NAP1L4: variants seen among roughly 807,000 people sequenced by gnomAD.
NAP1L4 encodes the protein nucleosome assembly protein 1-like 4.
NAP1L4 carries 15 observed loss-of-function variants against 58.2 expected under a neutral mutation model. The ratio of observed to expected loss-of-function variants is 0.26; its 90% CI spans 0.17 to 0.40. NAP1L4 has a LOEUF of 0.40. Ranked by LOEUF, NAP1L4 falls within the 10% of genes least tolerant of loss-of-function variation. The pLI is 1.00. For synonymous variants in NAP1L4, 171 were observed against 155.6 expected (o/e 1.10, Z -0.74); for missense variants, 384 against 451.1 (o/e 0.85, Z 1.35).
chr11:2,969,978 A>C (rs781399894), intron 6 of NAP1L4, 44 bp from the exon 7 acceptor site: 48 of 1,585,372 alleles, frequency 3.0e-5, no homozygotes, highest in Non-Finnish European at 4.1e-5. Flanking sequence ...AAAAGTTTAC[A>C]AACAATGCAG....
chr11:2,945,462 GA>G lies in NAP1L4; in HGVS notation c.*216del. 1.4e-6 allele frequency: 1 copy of G among 698,616 alleles called. No homozygotes were observed. Among genetic ancestry groups the G allele is most frequent in the Non-Finnish European group, 2.3e-6 (1 of 431,816 alleles). 43.3% of individuals were successfully genotyped at this position (698,616 alleles called of 1,614,324 possible). A position where few individuals can be genotyped will look rare whatever the true frequency, so the allele number is the denominator to read the frequency against. ...GTTAAGCAAAATAATAAGGAAAAAG[GA>G]AAAGTGAAAGTGAAAATCATGCACT... On this transcript the variant is annotated 3_prime_UTR_variant, in exon 16 of 16. Transcript: ENST00000380542.
At position 2,978,334 on chromosome 11, in the gene NAP1L4, T is replaced by A. The variant is rs764883254; in HGVS notation, c.23A>T (p.Asp8Val). The change falls in exon 3 of 16, where the codon GAT becomes GTT. Residue 8 changes from aspartate to valine, a missense_variant. Asp to Val is a radical substitution (Grantham distance 152). Transcript: ENST00000380542. ...TTCCACGGAATCTGAAGGAACCCCA[T>A]CTGAAAAACTAAAACAACAGTATGT... is the stretch of plus-strand genomic sequence containing the variant. MADHSFS[D>V]GVPSDSVEAA... 140 of 1,613,750 alleles carry A rather than the reference T, an allele frequency of 8.7e-5. No homozygotes were observed. Among genetic ancestry groups the A allele is most frequent in the Non-Finnish European group, 1.1e-4 (128 of 1,179,872 alleles).
intron 8 of NAP1L4, chr11:2,963,704 A>C (rs947328833): frequency 5.8e-6 from 3 of 514,484 alleles, no homozygotes; most frequent in South Asian, 1.4e-5. Context: ...GATACTGGTG[A>C]CTGGCCCCAG....
chr11:2,987,207 C>A (rs920957686), intron 1 of NAP1L4, among the ~76,000 whole-genome samples: 4 of 152,074 alleles, frequency 2.6e-5, no homozygotes, highest in Non-Finnish European at 4.4e-5. Flanking sequence ...ATTGCCCAGG[C>A]CAGTAGACTC....
chr11:2,959,997 C>A lies in NAP1L4; in HGVS notation c.607-88G>T. On this transcript the variant is annotated intron_variant, in intron 8 of 15. Coordinates refer to ENST00000380542, the MANE Select transcript of NAP1L4 (RefSeq NM_005969.4). This position sits in a 1 kb window ranked among gnomAD's most constrained non-coding sequence, Gnocchi z 4.9. ...TGGAGTACACAACACTTACTAGAAG[C>A]TATTTTGGGAAAGCTCAACAGATAG... The A allele has an allele frequency of 3.7e-6, 5 of 1,366,312 alleles. No individual in the cohort carries two copies. The highest frequency in any genetic ancestry group is 4.0e-6 in the Non-Finnish European group (4 of 997,740). 84.6% of individuals were successfully genotyped at this position (1,366,312 alleles called of 1,614,324 possible).
In NAP1L4 at chr11:2,978,371, T is replaced by C. The variant is rs199634086; in HGVS notation, c.15-29A>G. ...AAACAACAGTATGTTTAAAAAGTAT[T>C]ACTGTAAAGAAAGTTCCAAAGACAT... On this transcript the variant is annotated intron_variant, in intron 2 of 15. Coordinates refer to ENST00000380542, the MANE Select transcript of NAP1L4 (RefSeq NM_005969.4). The C allele has an allele frequency of 7.7e-4, 1,228 of 1,604,168 alleles. 1 individual carries two copies. Among genetic ancestry groups the C allele is most frequent in the Non-Finnish European group, 9.6e-4 (1,130 of 1,171,818 alleles).
chr11:2,989,344 T>C (rs1476850156), intron 1 of NAP1L4: 2 of 152,222 alleles, frequency 1.3e-5, no homozygotes, highest in South Asian at 4.1e-4. Context: ...ATCTCTGCTG[T>C]CTTATTCAAA....
At chr11:2,977,369 C>A (rs1339407564) in intron 3 of NAP1L4, among the ~76,000 whole-genome samples, 1 of 152,228 alleles carries the variant, frequency 6.6e-6, no homozygotes, top group Non-Finnish European at 1.5e-5. Context: ...GAACCAACGA[C>A]CACTGCATCA....
chr11:2,963,890 G>A (rs777129389), intron 8 of NAP1L4: 8 of 519,138 alleles, frequency 1.5e-5, no homozygotes, highest in Non-Finnish European at 2.7e-5. Flanking sequence ...TACGAACAGT[G>A]CTCCCTGGGA....
intron 1 of NAP1L4, among the ~76,000 whole-genome samples, chr11:2,979,465 A>G (rs1304364387): frequency 1.3e-5 from 2 of 152,156 alleles, no homozygotes; most frequent in Non-Finnish European, 2.9e-5. Context: ...CATCACACAC[A>G]AACTTTACTC....
At chr11:2,978,236 G>A in intron 3 of NAP1L4, 48 bp downstream of exon 3, 3 of 1,562,378 alleles carry the variant, frequency 1.9e-6, no homozygotes, top group Non-Finnish European at 2.6e-6. Context: ...CCAGAGAGAG[G>A]AACGTTCCCC....
intron 1 of NAP1L4, chr11:2,981,699 C>T (rs6578307): frequency 0.84 from 127,349 of 152,016 alleles, 53,785 homozygotes; most frequent in African/African-American, 0.94. Flanking sequence ...TGGTGGCACA[C>T]GCCTGTAATC....
rs545409715 is a variant in NAP1L4 at position 2,982,434 on chromosome 11, A to C, written c.-17-3197T>G. Among the ~76,000 whole-genome samples the C allele has an allele frequency of 4.6e-5, 7 of 152,274 alleles. No homozygotes were observed. The East Asian group carries it at 1.3e-3, about 29-fold the overall frequency. On this transcript the variant is annotated intron_variant, in intron 1 of 15. Transcript: ENST00000380542. ...TAATGGACAGATTCTTGTTGTCATC[A>C]CCCTATCAGTAACACCTCGTAAAGA...
In NAP1L4 at chr11:2,989,582, T is replaced by C. The variant is rs527691569; in HGVS notation, c.-18+2672A>G. On this transcript the variant is annotated intron_variant, in intron 1 of 15. Coordinates refer to ENST00000380542, the MANE Select transcript of NAP1L4 (RefSeq NM_005969.4). ...TAAAGGGAAGGAAGAAAAGCACTAC[T>C]ATATATACATACATATTTGAGGTCA... is the stretch of plus-strand genomic sequence containing the variant. 1.9e-4 allele frequency among the ~76,000 whole-genome samples: 29 copies of C among 152,314 alleles called. No homozygotes were observed. The South Asian group carries it at 5.6e-3, about 29-fold the overall frequency.
At chr11:2,966,431 T>C (rs1248292022) in intron 7 of NAP1L4, among the ~76,000 whole-genome samples, 2 of 45,836 alleles carry the variant, frequency 4.4e-5, no homozygotes, top group Non-Finnish European at 8.3e-5. Flanking sequence ...CTCTCCCTAT[T>C]TATCCTCCCC....
intron 1 of NAP1L4, among the ~76,000 whole-genome samples, chr11:2,980,161 T>C (rs1024319905): frequency 1.3e-5 from 2 of 152,226 alleles, no homozygotes; most frequent in Admixed American, 1.3e-4. Context: ...ACTTCTTAAA[T>C]AGAAGAACTT....
At position 2,976,112 on chromosome 11, in the gene NAP1L4, C is replaced by G; in HGVS notation, c.85G>C (p.Asp29His). 1 of 1,613,084 alleles carries G rather than the reference C, an allele frequency of 6.2e-7. No individual in the cohort carries two copies. The highest frequency in any genetic ancestry group is 8.5e-7 in the Non-Finnish European group (1 of 1,179,702). ...ACTCGAGGATTCTGCATCACCTGAT[C>G]TGTGAGCTTTTCTATGAAGAGTTAA... ...KNASNTEKLT[D>H]QVMQNPRVLA... The change falls in exon 4 of 16, where the codon GAT becomes CAT. Residue 29 changes from aspartate to histidine, a missense_variant. Transcript: ENST00000380542.
intron 1 of NAP1L4, among the ~76,000 whole-genome samples, chr11:2,991,524 A>G (rs1848965420): frequency 6.6e-6 from 1 of 152,052 alleles, no homozygotes; most frequent in Non-Finnish European, 1.5e-5. Context: ...TGGCTGGGAA[A>G]CCAAGTCCCG....
At chr11:2,973,525 C>T (rs1230493261) in intron 4 of NAP1L4, among the ~76,000 whole-genome samples, 2 of 152,202 alleles carry the variant, frequency 1.3e-5, no homozygotes, top group Non-Finnish European at 2.9e-5. Flanking sequence ...AAGTCACACA[C>T]ACATATCACT....
Sources: allele counts gnomAD v4.1 joint callset (sites outside exome capture counted in the v4.1 genomes callset), GRCh38; gene constraint gnomAD v4.1.1; non-coding constraint Gnocchi (gnomAD v3.1); transcripts MANE v1.5; gene names NCBI Gene and HGNC (gene_info 2026-07-23, HGNC 2026-07-21).